The following PDZRN3 variants were observed in gnomAD, a reference collection of about 807,000 sequenced individuals.
PDZRN3 encodes the protein PDZ domain containing ring finger 3.
In PDZRN3, 38 loss-of-function variants were observed where a neutral mutation model predicts 85.7. The observed-to-expected ratio is 0.44, with a 90% CI of 0.34 to 0.58. PDZRN3 has a LOEUF of 0.58. Ranked by LOEUF, PDZRN3 falls within the 20% of genes least tolerant of loss-of-function variation. The pLI is 0.01. For synonymous variants in PDZRN3, 759 were observed against 638.0 expected (o/e 1.19, Z -2.86); for missense variants, 1,629 against 1,506.4 (o/e 1.08, Z -1.35).
intron 3 of PDZRN3, among the ~76,000 whole-genome samples, chr3:73,462,254 T>C (rs997189301): frequency 3.9e-5 from 6 of 152,162 alleles, no homozygotes; most frequent in African/African-American, 1.4e-4. Context: ...AAAGTCATAC[T>C]TTTGTCATTA....
rs142443995 is a variant in PDZRN3, at chr3:73,543,272, T to C, written c.918+59082A>G. ...AGCACTGGGGTGTGAGCACCCAGCA[T>C]ACTGGATTTCCCAAGAGCACAGCAG... On this transcript the variant is annotated intron_variant, in intron 3 of 9. Coordinates refer to ENST00000263666, the MANE Select transcript of PDZRN3 (RefSeq NM_015009.3). Among the ~76,000 whole-genome samples the C allele has an allele frequency of 2.0e-3, 305 of 152,328 alleles. 1 individual carries two copies. Among genetic ancestry groups the C allele is most frequent in the African/African-American group, 7.1e-3 (295 of 41,580 alleles).
chr3:73,576,643 T>TTA (rs1294539855), intron 3 of PDZRN3, among the ~76,000 whole-genome samples: 1 of 152,354 alleles, frequency 6.6e-6, no homozygotes, highest in Admixed American at 6.5e-5. Context: ...CACAAGTTTC[T>TTA]TAAAGAGCCT....
chr3:73,549,745 A>C lies in PDZRN3; in HGVS notation c.918+52609T>G, dbSNP rs1701508811. ...ATTCTACTGTTAAACTGCCCTCTTT[A>C]GGGGATCAAGTACCATGTTTGTCTG... On this transcript the variant is annotated intron_variant, in intron 3 of 9. Coordinates refer to ENST00000263666, the MANE Select transcript of PDZRN3 (RefSeq NM_015009.3). 2.0e-5 allele frequency among the ~76,000 whole-genome samples: 3 copies of C among 152,202 alleles called. No individual in the cohort carries two copies. The South Asian group carries it at 6.2e-4, about 32-fold the overall frequency.
rs1036092294 is a variant in PDZRN3 at position 73,445,379 on chromosome 3, G to A, written c.919-40984C>T. Among the ~76,000 whole-genome samples, 3 of 152,154 alleles carry A rather than the reference G, an allele frequency of 2.0e-5. No individual in the cohort carries two copies. The South Asian group carries it at 6.2e-4, about 32-fold the overall frequency. ...TGGATAACTTAGGCACTAAAGGGAA[G>A]CTAGTTTAATATTTTAAAGTCACCC... On this transcript the variant is annotated intron_variant, in intron 3 of 9. Transcript: ENST00000263666.
chr3:73,546,728 T>C (rs1029908698), intron 3 of PDZRN3, among the ~76,000 whole-genome samples: 2 of 152,228 alleles, frequency 1.3e-5, no homozygotes, highest in Non-Finnish European at 2.9e-5. Flanking sequence ...AAAATGTGTA[T>C]GGTAAAATTT....
intron 3 of PDZRN3, among the ~76,000 whole-genome samples, chr3:73,446,884 C>A (rs763163438): frequency 1.3e-4 from 19 of 151,748 alleles, no homozygotes; most frequent in Non-Finnish European, 4.4e-5. Context: ...CTGTTGCTCT[C>A]GACAGTGCTG....
At chr3:73,441,152 C>T (rs1024029027) in intron 3 of PDZRN3, among the ~76,000 whole-genome samples, 3 of 152,058 alleles carry the variant, frequency 2.0e-5, no homozygotes, top group Admixed American at 6.6e-5. Context: ...CGGTGGCTCA[C>T]GCCTGTAATC....
intron 3 of PDZRN3, among the ~76,000 whole-genome samples, chr3:73,576,725 T>A (rs1261464927): frequency 1.3e-5 from 2 of 152,238 alleles, no homozygotes; most frequent in Admixed American, 6.5e-5. Context: ...CACTTGTTGA[T>A]AGACATGAAT....
chr3:73,407,067 G>A (rs976726720), intron 3 of PDZRN3, among the ~76,000 whole-genome samples: 2 of 152,168 alleles, frequency 1.3e-5, no homozygotes, highest in African/African-American at 2.4e-5. Flanking sequence ...ATGGGCTCCC[G>A]CCTATCATGG....
At chr3:73,428,504 A>G (rs555386302) in intron 3 of PDZRN3, among the ~76,000 whole-genome samples, 1 of 152,328 alleles carries the variant, frequency 6.6e-6, no homozygotes, top group South Asian at 2.1e-4. Flanking sequence ...ACAGTGTAAC[A>G]TGGGAGGCCA....
rs773276791 is a variant in PDZRN3, at chr3:73,384,075, G to C, written c.2491C>G (p.Pro831Ala). The change falls in exon 10 of 10, where the codon CCC becomes GCC. Residue 831 changes from proline to alanine, a missense_variant. Transcript: ENST00000263666. ...TCTTTGCTTTCCAGGGGCTGGTTGG[G>C]GTCCAGCTCCTTCAGGGACGGGCTA... Reference protein sequence around the residue: ...TYSPSLKELDPNQPLESKERR... With the variant: ...TYSPSLKELDANQPLESKERR... 2.5e-6 allele frequency: 4 copies of C among 1,611,690 alleles called. No homozygotes were observed. Among genetic ancestry groups the C allele is most frequent in the Non-Finnish European group, 3.4e-6 (4 of 1,179,078 alleles).
chr3:73,446,308 A>G (rs1400615606), intron 3 of PDZRN3, among the ~76,000 whole-genome samples: 1 of 152,142 alleles, frequency 6.6e-6, no homozygotes, highest in African/African-American at 2.4e-5. Flanking sequence ...CGTTTCTTCA[A>G]AGCTTTGCTT....
rs777216975 is a variant in PDZRN3 at position 73,383,880 on chromosome 3, C to T, written c.2686G>A (p.Ala896Thr). The T allele has an allele frequency of 3.7e-6, 6 of 1,613,242 alleles. No individual in the cohort carries two copies. Among genetic ancestry groups the T allele is most frequent in the Admixed American group, 1.7e-5 (1 of 59,990 alleles). The change falls in exon 10 of 10, where the codon GCG (alanine) becomes ACG (threonine). Residue 896 changes from alanine (A) to threonine (T), a missense_variant. By Grantham distance (58) the Ala-to-Thr change is moderately conservative. Coordinates refer to ENST00000263666, the MANE Select transcript of PDZRN3 (RefSeq NM_015009.3). ...CTCACCAGGCTCATCTGGCTTTGCGCGTACTCCACGGCCGACTTCTGCTGG... is the reference window on the plus strand; with the variant it reads ...CTCACCAGGCTCATCTGGCTTTGCGTGTACTCCACGGCCGACTTCTGCTGG... Reference protein sequence around the residue: ...LIQQKSAVEYAQSQMSLVSMC... With the variant: ...LIQQKSAVEYTQSQMSLVSMC...
At chr3:73,396,609 A>C (rs1017260021) in intron 5 of PDZRN3, among the ~76,000 whole-genome samples, 1 of 152,096 alleles carries the variant, frequency 6.6e-6, no homozygotes, top group Non-Finnish European at 1.5e-5. Flanking sequence ...AGGTTTGGAG[A>C]GCATTTTAGT....
At chr3:73,621,650 G>C (rs1420889237) in intron 1 of PDZRN3, 1 of 152,200 alleles carries the variant, frequency 6.6e-6, no homozygotes, top group Non-Finnish European at 1.5e-5. Flanking sequence ...TAAGGCCTCA[G>C]CTGAGGCCAG....
Position 73,624,884 on chromosome 3 carries a change from G to T in PDZRN3, c.-59C>A, listed in dbSNP as rs1399365580. The T allele has an allele frequency of 2.4e-6, 3 of 1,249,048 alleles. No individual in the cohort carries two copies. The highest frequency in any genetic ancestry group is 3.0e-6 in the Non-Finnish European group (3 of 994,314). The allele number at this position is 1,249,048 out of a possible 1,614,324, so 77.4% of individuals were successfully genotyped here. On this transcript the variant is annotated 5_prime_UTR_variant, in exon 1 of 10. Coordinates refer to ENST00000263666, the MANE Select transcript of PDZRN3 (RefSeq NM_015009.3). ...GGCCGGGCGCCCCCTCCCTCCCCACGAGGCGGCCCAGACAGGCCGGCTACG... is the reference window on the plus strand; with the variant it reads ...GGCCGGGCGCCCCCTCCCTCCCCACTAGGCGGCCCAGACAGGCCGGCTACG...
At chr3:73,459,493 C>T (rs1362332821) in intron 3 of PDZRN3, among the ~76,000 whole-genome samples, 2 of 152,046 alleles carry the variant, frequency 1.3e-5, no homozygotes, top group Non-Finnish European at 2.9e-5. Context: ...TTCTGCTCTT[C>T]TCCTTCCTTC....
At chr3:73,502,189 A>G (rs1300613159) in intron 3 of PDZRN3, among the ~76,000 whole-genome samples, 2 of 152,182 alleles carry the variant, frequency 1.3e-5, no homozygotes, top group Non-Finnish European at 2.9e-5. Context: ...CTACTTACAC[A>G]TGTGCATCTT....
chr3:73,612,017 T>C (rs554990181), intron 1 of PDZRN3, among the ~76,000 whole-genome samples: 1 of 152,316 alleles, frequency 6.6e-6, no homozygotes, highest in African/African-American at 2.4e-5. Flanking sequence ...ATGGTAACTG[T>C]GATAGGCAGC....
Sources: allele counts gnomAD v4.1 joint callset (sites outside exome capture counted in the v4.1 genomes callset), GRCh38; gene constraint gnomAD v4.1.1; transcripts MANE v1.5; gene names NCBI Gene and HGNC (gene_info 2026-07-23, HGNC 2026-07-21).